Variants in ADCY5 observed in about 807,000 individuals in gnomAD.
ADCY5 encodes adenylate cyclase 5.
Under a neutral mutation model 119.7 loss-of-function variants are expected in ADCY5, and 30 were observed. The ratio of observed to expected loss-of-function variants is 0.25; its 90% CI spans 0.19 to 0.34. The LOEUF (loss-of-function observed/expected upper bound fraction) is 0.34, where lower values mean the gene tolerates loss of function less well. Among genes scored for constraint, ADCY5 ranks in the 10% least tolerant of loss-of-function variants. The pLI, the probability that ADCY5 is intolerant of heterozygous loss-of-function variation, is 1.00. For missense variants in ADCY5, 1,324 were observed against 1,775.2 expected (o/e 0.75, Z 4.57); for synonymous variants, 753 against 762.2 (o/e 0.99, Z 0.20).
chr3:123,321,965 T>C (rs1268677011), intron 8 of ADCY5, among the ~76,000 whole-genome samples: 3 of 152,200 alleles, frequency 2.0e-5, no homozygotes, highest in Non-Finnish European at 2.9e-5. Context: ...GTTGTCTGCC[T>C]AGGCAAACTG....
At chr3:123,289,705 G>A (rs1056424990) in intron 19 of ADCY5, 45 bp downstream of exon 19, 1 of 1,602,542 alleles carries the variant, frequency 6.2e-7, no homozygotes. Flanking sequence ...CCAGCCCTCT[G>A]CCTGACTGCA....
chr3:123,341,112 G>A (rs1942263101), intron 3 of ADCY5, among the ~76,000 whole-genome samples: 3 of 151,664 alleles, frequency 2.0e-5, no homozygotes, highest in Admixed American at 2.0e-4. Context: ...GTGACAGAGT[G>A]AGACTCCATC....
intron 4 of ADCY5, among the ~76,000 whole-genome samples, chr3:123,332,320 T>A (rs776297470): frequency 6.6e-6 from 1 of 152,204 alleles, no homozygotes; most frequent in Non-Finnish European, 1.5e-5. Flanking sequence ...CTCCCTACAC[T>A]CTCGCTTGTG....
intron 1 of ADCY5, among the ~76,000 whole-genome samples, chr3:123,372,931 T>C (rs75677522): frequency 0.026 from 3,943 of 152,214 alleles, 177 homozygotes; most frequent in African/African-American, 0.086. Flanking sequence ...AAAGCCACCT[T>C]TGAACCCAGA....
intron 16 of ADCY5, 142 bp downstream of exon 16, chr3:123,297,211 A>T: frequency 2.2e-6 from 3 of 1,377,978 alleles, no homozygotes; most frequent in South Asian, 1.2e-5. Context: ...CCCCAGGAGG[A>T]ACCAGCCTCC....
Position 123,447,805 on chromosome 3 carries a change from G to T in ADCY5, c.741C>A (p.Ala247=). The T allele has an allele frequency of 6.2e-7, 1 of 1,612,508 alleles. No individual in the cohort carries two copies. Among genetic ancestry groups the T allele is most frequent in the South Asian group, 1.1e-5 (1 of 91,078 alleles). The stretch of plus-strand genomic sequence containing the variant: ...TGACCAGGCACACGAGCACCAGCAC[G>T]GCCATGAGCATGGTGAGGCTGCTCT... ...LNQSSLTMLM[A]VLVLVCLVML... The change falls in exon 1 of 21, where the codon GCC becomes GCA. Residue 247 remains alanine (A), a synonymous_variant. Transcript: ENST00000462833.
rs1446628338 is a variant in ADCY5, at chr3:123,379,311, G to A, written c.1135-26730C>T. 3.3e-5 allele frequency among the ~76,000 whole-genome samples: 5 copies of A among 152,250 alleles called. No individual in the cohort carries two copies. In the East Asian group the frequency reaches 5.8e-4, roughly 18 times the overall value. On this transcript the variant is annotated intron_variant, in intron 1 of 20. Transcript: ENST00000462833. ...GGTGGAGTTCCAGGGGTTGGGGGTGGGTTGGTTAGGGGGTGATGCTGGTAT... is the reference window on the plus strand; with the variant it reads ...GGTGGAGTTCCAGGGGTTGGGGGTGAGTTGGTTAGGGGGTGATGCTGGTAT...
intron 1 of ADCY5, among the ~76,000 whole-genome samples, chr3:123,417,371 A>G (rs1945209168): frequency 6.6e-6 from 1 of 152,208 alleles, no homozygotes; most frequent in African/African-American, 2.4e-5. Context: ...GCAGTGAGGG[A>G]GATAACGGCC....
chr3:123,303,596 G>C lies in ADCY5; in HGVS notation c.2560-377C>G, dbSNP rs535584195. On this transcript the variant is annotated intron_variant, in intron 13 of 20. Transcript: ENST00000462833. ...AGAGGCCGAGGCCCGCGGATCACTT[G>C]AGCCCAGGAGTTTGAGACCAGCCTG... Among the ~76,000 whole-genome samples, 3 of 152,266 alleles carry C rather than the reference G, an allele frequency of 2.0e-5. No individual in the cohort carries two copies. In the East Asian group the frequency reaches 5.8e-4, roughly 29 times the overall value.
chr3:123,330,873 G>C lies in ADCY5; in HGVS notation c.1646+16C>G. 6.2e-7 allele frequency: 1 copy of C among 1,603,770 alleles called. No homozygotes were observed. The highest frequency in any genetic ancestry group is 8.5e-7 in the Non-Finnish European group (1 of 1,174,872). On this transcript the variant is annotated intron_variant, in intron 5 of 20. Transcript: ENST00000462833. The stretch of plus-strand genomic sequence containing the variant: ...GTCCCAGGGAGGGAGACGGTACCCG[G>C]GGGGTGGACACTTACGAGATGGCCT...
intron 2 of ADCY5, among the ~76,000 whole-genome samples, chr3:123,348,712 A>G (rs747572484): frequency 2.6e-4 from 40 of 152,170 alleles, no homozygotes; most frequent in Non-Finnish European, 5.0e-4. Flanking sequence ...TCAGCCTGTT[A>G]CGGAGTCTGG....
chr3:123,443,867 T>A (rs986049469), intron 1 of ADCY5, among the ~76,000 whole-genome samples: 1 of 152,126 alleles, frequency 6.6e-6, no homozygotes, highest in Admixed American at 6.5e-5. Context: ...AACAGGACTC[T>A]CCACTTTTCA....
At chr3:123,330,136 G>A (rs1171968117) in intron 5 of ADCY5, among the ~76,000 whole-genome samples, 1 of 152,188 alleles carries the variant, frequency 6.6e-6, no homozygotes, top group Non-Finnish European at 1.5e-5. Context: ...GGCTTGCTGG[G>A]GACACTTGGC....
At chr3:123,389,828 C>G (rs1313236520) in intron 1 of ADCY5, among the ~76,000 whole-genome samples, 1 of 152,230 alleles carries the variant, frequency 6.6e-6, no homozygotes, top group Admixed American at 6.5e-5. Context: ...ATTTAACGGA[C>G]AGTGCACAGA....
intron 1 of ADCY5, among the ~76,000 whole-genome samples, chr3:123,426,772 C>T (rs1324613235): frequency 6.6e-6 from 1 of 152,130 alleles, no homozygotes; most frequent in Admixed American, 6.5e-5. Flanking sequence ...GTACCAGGAG[C>T]TCTGCTGGGG....
intron 18 of ADCY5, 149 bp from the exon 19 acceptor site, chr3:123,290,103 T>G: frequency 3.8e-6 from 3 of 792,908 alleles, no homozygotes; most frequent in Non-Finnish European, 6.1e-6. Context: ...TCCTCATCAG[T>G]GTGATGCCCG....
At chr3:123,301,259 C>T (rs1020035236) in intron 14 of ADCY5, among the ~76,000 whole-genome samples, 14 of 152,214 alleles carry the variant, frequency 9.2e-5, no homozygotes, top group Admixed American at 2.6e-4. Flanking sequence ...ACGGCTTCTG[C>T]CCTGGGCTGG....
chr3:123,423,212 TCATGCCCACGCTGGGCA>T (rs1945335245), intron 1 of ADCY5, among the ~76,000 whole-genome samples: 1 of 151,764 alleles, frequency 6.6e-6, no homozygotes, highest in Non-Finnish European at 1.5e-5. Context: ...TCCTCCTTAC[TCATGCCCACGCTGGGCA>T]CGAGCCCAAG....
At chr3:123,373,782 C>T (rs1943728012) in intron 1 of ADCY5, among the ~76,000 whole-genome samples, 1 of 136,740 alleles carries the variant, frequency 7.3e-6, no homozygotes, top group Non-Finnish European at 1.6e-5. Flanking sequence ...GACCCCCCCG[C>T]AGGTAGCAGA....
Sources: gnomAD v4.1 joint callset for allele counts (sites outside exome capture counted in the v4.1 genomes callset) on GRCh38, gnomAD v4.1.1 for gene constraint, MANE v1.5 for transcripts, NCBI Gene and HGNC (gene_info 2026-07-23, HGNC 2026-07-21) for gene names.